The following MEGF6 variants were observed in gnomAD, a reference collection of about 807,000 sequenced individuals.
The protein encoded by MEGF6 is multiple epidermal growth factor-like domains protein 6.
In MEGF6, 184 loss-of-function variants were observed where a neutral mutation model predicts 207.1. The ratio of observed to expected loss-of-function variants is 0.89; its 90% confidence interval spans 0.79 to 1.00. MEGF6 has a LOEUF of 1.00. Ranked by LOEUF, MEGF6 falls within the 50% of genes least tolerant of loss-of-function variation. MEGF6 has a pLI of 0.00. For synonymous variants in MEGF6, 1,038 were observed against 910.0 expected, an observed-to-expected ratio of 1.14 and a Z score of -2.53; for missense variants, 2,282 against 2,202.9, an observed-to-expected ratio of 1.04 and a Z score of -0.72.
chr1:3,562,797 G>A (rs1010083055), intron 4 of MEGF6, among the ~76,000 whole-genome samples: 1 of 152,104 alleles, frequency 6.6e-6, no homozygotes, highest in Non-Finnish European at 1.5e-5. Context: ...CCAGCCCCTC[G>A]ACCAGACCGC....
At chr1:3,614,597 T>A (rs1644363186), upstream of MEGF6, among the ~76,000 whole-genome samples, 1 of 152,242 alleles carries the variant, frequency 6.6e-6, no homozygotes, top group Admixed American at 6.5e-5. Flanking sequence ...TTAATATGGT[T>A]ACTGAGGTTG....
At chr1:3,619,394 G>A in the MEGF6 span, among the ~76,000 whole-genome samples, 5 of 152,316 alleles carry the variant, frequency 3.3e-5, no homozygotes, top group African/African-American at 1.2e-4. Context: ...CCCCCAGAAA[G>A]GCACAGTCCA....
Position 3,492,704 on chromosome 1 carries a change from T to G in MEGF6, c.4451A>C (p.Asp1484Ala). 1 of 1,612,616 alleles carries G rather than the reference T, an allele frequency of 6.2e-7. No homozygotes were observed. The highest frequency in any genetic ancestry group is 8.5e-7 in the Non-Finnish European group (1 of 1,179,846). The stretch of plus-strand genomic sequence containing the variant: ...ACACTGCCCACTGACAGGGTCGCAG[T>G]CAGCCCCACCCCCGCAGTCACAGTG... ...TLHCDCGGGA[D>A]CDPVSGQCHC... Residue 1484 changes from aspartate (D) to alanine (A), a missense_variant, in exon 35 of 37, where the codon GAC (aspartate) becomes GCC (alanine). Transcript: ENST00000356575.
intron 4 of MEGF6, among the ~76,000 whole-genome samples, chr1:3,572,665 G>A (rs1267203644): frequency 6.9e-6 from 1 of 145,784 alleles, no homozygotes; most frequent in Non-Finnish European, 1.5e-5. Context: ...CTGGTGTACT[G>A]GGTCCTCCCA....
At chr1:3,525,389 C>A (rs72853545) in intron 4 of MEGF6, among the ~76,000 whole-genome samples, 3,149 of 152,304 alleles carry the variant, frequency 0.021, 91 homozygotes, top group African/African-American at 0.072. Flanking sequence ...GAGGCCTCTC[C>A]CCGCATCTGC....
chr1:3,524,370 G>A, intron 4 of MEGF6, 124 bp from the exon 5 acceptor site: 1 of 1,272,156 alleles, frequency 7.9e-7, no homozygotes, highest in Non-Finnish European at 1.1e-6. Flanking sequence ...CACCACCCAT[G>A]AGCCCCTCAC....
At chr1:3,608,721 C>T (rs4648529) in intron 1 of MEGF6, among the ~76,000 whole-genome samples, 3 of 152,096 alleles carry the variant, frequency 2.0e-5, no homozygotes, top group Admixed American at 6.5e-5. Context: ...CCGAGCCCTG[C>T]GGGTCCATGC....
chr1:3,572,742 G>A (rs1194877631), intron 4 of MEGF6, among the ~76,000 whole-genome samples: 2 of 147,336 alleles, frequency 1.4e-5, no homozygotes, highest in Non-Finnish European at 1.5e-5. Context: ...CAGGTGTGCT[G>A]GGTCCTTCCT....
chr1:3,548,353 C>T (rs79336837), intron 4 of MEGF6, among the ~76,000 whole-genome samples: 2,876 of 152,368 alleles, frequency 0.019, 28 homozygotes, highest in Non-Finnish European at 0.03. Context: ...GGCCTCGGGG[C>T]GGCCACAGTC....
Position 3,494,218 on chromosome 1 carries a change from G to A in MEGF6, c.4130-94C>T, listed in dbSNP as rs886266467. On this transcript the variant is annotated intron_variant, in intron 32 of 36. Coordinates refer to ENST00000356575, the MANE Select transcript of MEGF6 (RefSeq NM_001409.4). ...GTAAAACCCGCCAATCCAGGGGCCCGAGAAAAGCCCCCTCCTGCCCGTCCT... is the reference window on the plus strand; with the variant it reads ...GTAAAACCCGCCAATCCAGGGGCCCAAGAAAAGCCCCCTCCTGCCCGTCCT... 1.9e-5 allele frequency: 28 copies of A among 1,489,456 alleles called. No homozygotes were observed. The East Asian group carries it at 2.1e-4, about 11-fold the overall frequency. The allele number at this position is 1,489,456 out of a possible 1,614,324, so 92.3% of individuals were successfully genotyped here.
chr1:3,559,928 A>T (rs897718943), intron 4 of MEGF6, among the ~76,000 whole-genome samples: 1 of 151,446 alleles, frequency 6.6e-6, no homozygotes, highest in East Asian at 2.0e-4. Context: ...GGAGAATGGC[A>T]TGAACCCGGG....
At chr1:3,496,084 T>A in intron 29 of MEGF6, 66 bp from the exon 30 acceptor site, 2 of 1,457,764 alleles carry the variant, frequency 1.4e-6, no homozygotes, top group Non-Finnish European at 1.8e-6. Context: ...AACCCCGGAG[T>A]GGGGATAGGA....
In MEGF6 at chr1:3,509,216, C is replaced by A. The variant is rs768866162; in HGVS notation, c.1387G>T (p.Gly463Cys). The change falls in exon 12 of 37, where the codon GGC becomes TGC. Residue 463 changes from glycine (G) to cysteine (C), a missense_variant. Physicochemically the swap from Gly to Cys is radical, Grantham distance 159. Transcript: ENST00000356575. ...PLEEPMVDLD[G>C]ELPFVRPLPH... ...AGGGGCCGCACGAAAGGCAGCTCGCCGTCCAGGTCCACCATCGGCTCCTCC... is the reference window on the plus strand; with the variant it reads ...AGGGGCCGCACGAAAGGCAGCTCGCAGTCCAGGTCCACCATCGGCTCCTCC... 2 of 1,542,836 alleles carry A rather than the reference C, an allele frequency of 1.3e-6. No individual in the cohort carries two copies. Among genetic ancestry groups the A allele is most frequent in the South Asian group, 2.4e-5 (2 of 83,480 alleles).
Position 3,556,011 on chromosome 1 carries a change from G to A in MEGF6, c.481+23814C>T, listed in dbSNP as rs151215041. On this transcript the variant is annotated intron_variant, in intron 4 of 36. Transcript: ENST00000356575. The surrounding 1 kb of genome is among the most constrained non-coding windows in gnomAD (Gnocchi z 4.4). ...CTGCCCGCCCACCCACAGGACTCAC[G>A]GGATCCTGGCTGGCCCTGGAACCAG... Among the ~76,000 whole-genome samples, 157 of 152,332 alleles carry A rather than the reference G, an allele frequency of 1.0e-3. 1 individual carries two copies. Among genetic ancestry groups the A allele is most frequent in the African/African-American group, 3.4e-3 (140 of 41,578 alleles).
At chr1:3,606,929 G>C (rs978330583) in intron 1 of MEGF6, among the ~76,000 whole-genome samples, 1 of 152,152 alleles carries the variant, frequency 6.6e-6, no homozygotes, top group Non-Finnish European at 1.5e-5. Flanking sequence ...AGAGAGGGCA[G>C]AGCTGTGAGC....
intron 26 of MEGF6, among the ~76,000 whole-genome samples, 192 bp downstream of exon 26, chr1:3,498,179 C>G (rs1640690488): frequency 6.6e-6 from 1 of 152,202 alleles, no homozygotes; most frequent in Non-Finnish European, 1.5e-5. Flanking sequence ...ACTCTGTCCC[C>G]ACAGGCCAGC....
chr1:3,509,376 C>G, intron 11 of MEGF6, 131 bp from the exon 12 acceptor site: 1 of 722,472 alleles, frequency 1.4e-6, no homozygotes, highest in Non-Finnish European at 2.1e-6. Flanking sequence ...TCCACTACCC[C>G]CACCTCCTCA....
chr1:3,551,055 C>T (rs927492651), intron 4 of MEGF6, among the ~76,000 whole-genome samples: 7 of 152,224 alleles, frequency 4.6e-5, no homozygotes, highest in South Asian at 2.1e-4. Context: ...CTCTGAGAGC[C>T]GGGCCCGCGT....
At chr1:3,609,765 C>T (rs1281597626) in intron 1 of MEGF6, among the ~76,000 whole-genome samples, 1 of 152,228 alleles carries the variant, frequency 6.6e-6, no homozygotes, top group Non-Finnish European at 1.5e-5. Context: ...CCACTCCTCC[C>T]CTGGAGACCC....
Sources: gnomAD v4.1 joint callset for allele counts (sites outside exome capture counted in the v4.1 genomes callset) on GRCh38, gnomAD v4.1.1 for gene constraint, Gnocchi (gnomAD v3.1) non-coding constraint, MANE v1.5 for transcripts, NCBI Gene and HGNC (gene_info 2026-07-23, HGNC 2026-07-21) for gene names.